The following FOXP2 variants were observed in gnomAD, a reference collection of about 807,000 sequenced individuals.
The protein encoded by FOXP2 is forkhead box protein P2.
In FOXP2, 12 loss-of-function variants were observed where a neutral mutation model predicts 115.8. That is an observed-to-expected ratio of 0.10 (90% CI 0.07 to 0.17). The LOEUF is 0.17. FOXP2 is among the 10% of genes least tolerant of loss of function. The pLI, the probability that FOXP2 is intolerant of heterozygous loss-of-function variation, is 1.00. For synonymous variants in FOXP2, 328 were observed against 297.7 expected (o/e 1.10, Z -1.05); for missense variants, 629 against 843.5 (o/e 0.75, Z 3.15).
chr7:114,687,371 G>A (rs1440254882), intron 16 of FOXP2, among the ~76,000 whole-genome samples: 2 of 152,140 alleles, frequency 1.3e-5, no homozygotes, highest in African/African-American at 4.8e-5. Context: ...TAATATGCAA[G>A]TGTCTCATTC....
At chr7:114,223,533 T>A (rs1794676177) in intron 1 of FOXP2, among the ~76,000 whole-genome samples, 1 of 145,500 alleles carries the variant, frequency 6.9e-6, no homozygotes, top group South Asian at 2.2e-4. Flanking sequence ...TGTATATATA[T>A]ATGTGCTTTG....
intron 2 of FOXP2, among the ~76,000 whole-genome samples, chr7:114,452,977 A>G (rs1795135032): frequency 6.6e-6 from 1 of 152,104 alleles, no homozygotes; most frequent in South Asian, 2.1e-4. Flanking sequence ...TTAATAACAA[A>G]TCACTTTAAA....
At chr7:114,672,982 A>C (rs1460262516) in intron 16 of FOXP2, among the ~76,000 whole-genome samples, 2 of 152,226 alleles carry the variant, frequency 1.3e-5, no homozygotes, top group African/African-American at 2.4e-5. Context: ...CAAGATCTTC[A>C]AGGAGCCAGA....
chr7:114,371,062 A>G (rs1791992307), intron 2 of FOXP2, among the ~76,000 whole-genome samples: 3 of 152,182 alleles, frequency 2.0e-5, no homozygotes, highest in Non-Finnish European at 2.9e-5. Flanking sequence ...TTAAATAAGC[A>G]TATTCCTTAT....
At chr7:114,546,482 A>C (rs1252589296) in intron 3 of FOXP2, among the ~76,000 whole-genome samples, 2 of 152,226 alleles carry the variant, frequency 1.3e-5, no homozygotes, top group Admixed American at 1.3e-4. Context: ...TCATTCACAA[A>C]TGAATAGGTT....
intron 1 of FOXP2, among the ~76,000 whole-genome samples, chr7:114,286,156 C>T (rs1240873022): frequency 6.6e-6 from 1 of 151,854 alleles, no homozygotes; most frequent in Non-Finnish European, 1.5e-5. Flanking sequence ...TAAGCCAACA[C>T]CAGTATTTTC....
intron 2 of FOXP2, among the ~76,000 whole-genome samples, chr7:114,531,126 T>C (rs1799122259): frequency 6.6e-6 from 1 of 151,836 alleles, no homozygotes; most frequent in Admixed American, 6.6e-5. Context: ...CTTTCTTGTT[T>C]CTGATACATT....
chr7:114,367,597 A>T (rs1299055709), intron 2 of FOXP2, among the ~76,000 whole-genome samples: 2 of 152,212 alleles, frequency 1.3e-5, no homozygotes, highest in African/African-American at 4.8e-5. Flanking sequence ...GCTTTGGAAT[A>T]CATTCAGTAC....
intron 3 of FOXP2, among the ~76,000 whole-genome samples, chr7:114,565,194 C>A (rs1364702965): frequency 6.6e-6 from 1 of 151,476 alleles, no homozygotes; most frequent in African/African-American, 2.4e-5. Context: ...AATCAGGAGT[C>A]CATGCAAATG....
intron 3 of FOXP2, among the ~76,000 whole-genome samples, chr7:114,549,707 A>G (rs539261271): frequency 6.6e-6 from 1 of 152,330 alleles, no homozygotes; most frequent in Admixed American, 6.5e-5. Flanking sequence ...ATTATCCAGG[A>G]TGAAATTAAA....
chr7:114,106,994 T>A (rs147197895), intron 1 of FOXP2, among the ~76,000 whole-genome samples: 1 of 152,180 alleles, frequency 6.6e-6, no homozygotes, highest in East Asian at 1.9e-4. Flanking sequence ...AGATCCCTAC[T>A]TTCTGTGTGT....
chr7:114,254,954 G>C (rs748825293), intron 1 of FOXP2, among the ~76,000 whole-genome samples: 1 of 152,144 alleles, frequency 6.6e-6, no homozygotes, highest in Non-Finnish European at 1.5e-5. Context: ...TGATGGTGAC[G>C]TACAGATGAG....
At chr7:114,595,769 G>A (rs548445394) in intron 3 of FOXP2, among the ~76,000 whole-genome samples, 4 of 151,914 alleles carry the variant, frequency 2.6e-5, no homozygotes, top group East Asian at 1.9e-4. Context: ...ATGATAGAGC[G>A]TAATCAATGA....
intron 2 of FOXP2, among the ~76,000 whole-genome samples, chr7:114,471,335 A>T (rs1407557459): frequency 6.6e-6 from 1 of 152,126 alleles, no homozygotes; most frequent in Admixed American, 6.6e-5. Context: ...TTTTTCTCCA[A>T]TCAGTCCCAA....
chr7:114,211,605 A>G (rs1284916592), intron 1 of FOXP2, among the ~76,000 whole-genome samples: 3 of 152,216 alleles, frequency 2.0e-5, no homozygotes, highest in Admixed American at 6.5e-5. Context: ...TGTGGACTGC[A>G]GCTGCTTCTG....
intron 1 of FOXP2, among the ~76,000 whole-genome samples, chr7:114,167,618 T>C (rs1297733418): frequency 6.6e-6 from 1 of 152,020 alleles, no homozygotes; most frequent in Non-Finnish European, 1.5e-5. Context: ...GGTGGATACG[T>C]CTCAGGAGAT....
intron 2 of FOXP2, among the ~76,000 whole-genome samples, chr7:114,494,731 A>G (rs1797231626): frequency 6.6e-6 from 1 of 152,164 alleles, no homozygotes; most frequent in Admixed American, 6.6e-5. Flanking sequence ...TTAAAAATTG[A>G]AACCAATCTA....
chr7:114,243,679 G>A (rs2129168050), intron 1 of FOXP2, among the ~76,000 whole-genome samples: 1 of 152,150 alleles, frequency 6.6e-6, no homozygotes, highest in Non-Finnish European at 1.5e-5. Flanking sequence ...TCCGAATTGG[G>A]TTGCTAACGA....
At chr7:114,212,005 G>A (rs982888928) in intron 1 of FOXP2, among the ~76,000 whole-genome samples, 4 of 151,758 alleles carry the variant, frequency 2.6e-5, no homozygotes, top group Admixed American at 2.0e-4. Context: ...CCCAGGAGGC[G>A]GGGGTTGCAG....
Sources: gnomAD v4.1 joint callset for allele counts (sites outside exome capture counted in the v4.1 genomes callset) on GRCh38, gnomAD v4.1.1 for gene constraint, MANE v1.5 for transcripts, NCBI Gene and HGNC (gene_info 2026-07-23, HGNC 2026-07-21) for gene names.